Variants in PER3 observed in about 807,000 individuals in gnomAD.
PER3 encodes period circadian protein homolog 3.
Under a neutral mutation model 127.2 loss-of-function variants are expected in PER3, and 107 were observed. The ratio of observed to expected loss-of-function variants is 0.84; its 90% CI spans 0.72 to 0.99. PER3 has a LOEUF of 0.99. Ranked by LOEUF, PER3 falls within the 50% of genes least tolerant of loss-of-function variation. The probability of loss-of-function intolerance (pLI) is 0.00; values close to 1 mark genes in which losing one functional copy is unlikely to be tolerated. For missense variants in PER3, 1,560 were observed against 1,525.8 expected, an observed-to-expected ratio of 1.02 and a Z score of -0.37; for synonymous variants, 618 against 585.8, an observed-to-expected ratio of 1.05 and a Z score of -0.79.
At chr1:7,841,141 T>TA (rs1048866841) in intron 21 of PER3, among the ~76,000 whole-genome samples, 2 of 151,954 alleles carry the variant, frequency 1.3e-5, no homozygotes, top group African/African-American at 2.4e-5. Flanking sequence ...AATAAATCAC[T>TA]AAAAAAAACT....
At chr1:7,791,485 G>T (rs78971542) in intron 5 of PER3, among the ~76,000 whole-genome samples, 1 of 152,212 alleles carries the variant, frequency 6.6e-6, no homozygotes, top group Non-Finnish European at 1.5e-5. Flanking sequence ...TTTTTCTCTC[G>T]TAGGCCTCAG....
At position 7,803,286 on chromosome 1, in the gene PER3, C is replaced by T. The variant is rs2097178573; in HGVS notation, c.979+133C>T. On this transcript the variant is annotated intron_variant, in intron 9 of 21. Transcript: ENST00000377532. ...TTGAAGCTGCTAAAGCAATTGTTTT[C>T]TATTTAAACATACTAAAACAGGCCA... 31 of 691,276 alleles carry T rather than the reference C, an allele frequency of 4.5e-5. No homozygotes were observed. In the South Asian group the frequency reaches 4.6e-4, roughly 10 times the overall value. The allele number at this position is 691,276 out of a possible 1,614,324, so 42.8% of individuals were successfully genotyped here.
chr1:7,789,598 C>T (rs182856519), intron 5 of PER3, among the ~76,000 whole-genome samples: 4 of 152,190 alleles, frequency 2.6e-5, no homozygotes, highest in Admixed American at 6.5e-5. Context: ...AGCATGCAAA[C>T]GGACCTAATA....
At chr1:7,833,287 G>A (rs1198847101) in intron 19 of PER3, among the ~76,000 whole-genome samples, 1 of 152,148 alleles carries the variant, frequency 6.6e-6, no homozygotes, top group Non-Finnish European at 1.5e-5. Flanking sequence ...ATTAGATCAA[G>A]TTGGTTGATA....
In PER3 at chr1:7,810,719, A is replaced by G. The variant is rs2097215670; in HGVS notation, c.1522+131A>G. On this transcript the variant is annotated intron_variant, in intron 13 of 21. Transcript: ENST00000377532. The stretch of plus-strand genomic sequence containing the variant: ...GCTTTTCATATTTCTTGATTTGCCT[A>G]GATAGCAATAGTAATAGCAATAGTA... 4.1e-6 allele frequency: 3 copies of G among 732,740 alleles called. No homozygotes were observed. In the South Asian group the frequency reaches 7.6e-5, roughly 19 times the overall value. 45.4% of individuals were successfully genotyped at this position (732,740 alleles called of 1,614,324 possible). A position where few individuals can be genotyped will look rare whatever the true frequency, so the allele number is the denominator to read the frequency against.
At chr1:7,791,864 C>T (rs986465467) in intron 5 of PER3, among the ~76,000 whole-genome samples, 5 of 152,198 alleles carry the variant, frequency 3.3e-5, no homozygotes, top group African/African-American at 1.2e-4. Flanking sequence ...CTCTCTGAGA[C>T]CACCTCAGCC....
Position 7,810,501 on chromosome 1 carries a change from A to G in PER3, c.1435A>G (p.Ile479Val). 1 of 1,613,618 alleles carries G rather than the reference A, an allele frequency of 6.2e-7. No individual in the cohort carries two copies. Among genetic ancestry groups the G allele is most frequent in the Non-Finnish European group, 8.5e-7 (1 of 1,179,646 alleles). The change falls in exon 13 of 22, where the codon ATT (isoleucine) becomes GTT (valine). Residue 479 changes from isoleucine to valine, a missense_variant. Around this residue, in one of 3 missense-constraint regions of PER3, gnomAD observed 1,332 missense variants for 1,223.6 expected, o/e 1.09. Coordinates refer to ENST00000377532, the MANE Select transcript of PER3 (RefSeq NM_001377275.1). The stretch of plus-strand genomic sequence containing the variant: ...TAAAAATCTGGGTCAGCAGCTCTAC[A>G]TTGAGTCAATGACCAAATCATCATT... ...KIKNLGQQLY[I>V]ESMTKSSFKP...
chr1:7,788,787 C>T (rs1036209900), intron 5 of PER3, among the ~76,000 whole-genome samples: 13 of 151,964 alleles, frequency 8.6e-5, no homozygotes, highest in Non-Finnish European at 1.5e-4. Flanking sequence ...GCCTGTAATC[C>T]CAGCTACTCA....
In PER3 at chr1:7,798,714, T is replaced by G; in HGVS notation, c.793+41T>G. Reference sequence around the variant, plus strand: ...AGATGCAGAAATGTCAGCAATCAGATAGGAACATGGGAAAGTCTGTTTACG... The same window carrying G: ...AGATGCAGAAATGTCAGCAATCAGAGAGGAACATGGGAAAGTCTGTTTACG... On this transcript the variant is annotated intron_variant, in intron 7 of 21. Coordinates refer to ENST00000377532, the MANE Select transcript of PER3 (RefSeq NM_001377275.1). 3 of 1,542,960 alleles carry G rather than the reference T, an allele frequency of 1.9e-6. No homozygotes were observed. In the East Asian group the frequency reaches 6.7e-5, roughly 35 times the overall value.
chr1:7,790,862 A>G (rs1264225627), intron 5 of PER3, among the ~76,000 whole-genome samples: 1 of 152,226 alleles, frequency 6.6e-6, no homozygotes, highest in African/African-American at 2.4e-5. Context: ...TTAAATATTA[A>G]AGCTCCAAAA....
At chr1:7,789,291 C>T (rs537962108) in intron 5 of PER3, among the ~76,000 whole-genome samples, 23 of 152,164 alleles carry the variant, frequency 1.5e-4, no homozygotes, top group Admixed American at 5.9e-4. Flanking sequence ...AATTGTAACT[C>T]CCACAATTCC....
chr1:7,838,655 C>T (rs1234055582), intron 21 of PER3, among the ~76,000 whole-genome samples: 1 of 152,176 alleles, frequency 6.6e-6, no homozygotes, highest in Non-Finnish European at 1.5e-5. Context: ...CCGCCTCAGC[C>T]TCTCAAAGTG....
chr1:7,808,747 G>C (rs955917476), intron 10 of PER3, 146 bp from the exon 11 acceptor site: 1 of 624,792 alleles, frequency 1.6e-6, no homozygotes, highest in African/African-American at 1.9e-5. Flanking sequence ...GTACCTTCAT[G>C]AATAGAATTC....
intron 13 of PER3, among the ~76,000 whole-genome samples, chr1:7,816,108 T>C (rs1435855806): frequency 2.0e-5 from 3 of 151,090 alleles, no homozygotes; most frequent in Non-Finnish European, 4.4e-5. Flanking sequence ...TGAGTGTTTA[T>C]ATGGAAAAAA....
chr1:7,804,691 T>C (rs1419203925), intron 10 of PER3, among the ~76,000 whole-genome samples: 1 of 151,440 alleles, frequency 6.6e-6, no homozygotes. Flanking sequence ...TACGAGCCAC[T>C]GCGCCCGGAC....
intron 19 of PER3, 138 bp from the exon 20 acceptor site, chr1:7,835,624 G>A (rs1432707889): frequency 1.6e-6 from 1 of 609,176 alleles, no homozygotes; most frequent in Non-Finnish European, 2.9e-6. Context: ...TCCACAGGGA[G>A]GAGGAAGTTT....
At position 7,785,459 on chromosome 1, in the gene PER3, C is replaced by T; in HGVS notation, c.147C>T (p.Asn49=). 6.2e-7 allele frequency: 1 copy of T among 1,612,606 alleles called. No homozygotes were observed. Among genetic ancestry groups the T allele is most frequent in the Non-Finnish European group, 8.5e-7 (1 of 1,178,720 alleles). Reference sequence around the variant, plus strand: ...CTTCCAGTGAACAGCAAGATCGAAACAGAGTTTCTGAAGAACTTATCATGG... The same window carrying T: ...CTTCCAGTGAACAGCAAGATCGAAATAGAGTTTCTGAAGAACTTATCATGG... ...DSSHSEQQDR[N]RVSEELIMVV... Residue 49 remains asparagine (N), a synonymous_variant, in exon 3 of 22, where the codon AAC becomes AAT. Coordinates refer to ENST00000377532, the MANE Select transcript of PER3 (RefSeq NM_001377275.1).
chr1:7,806,442 A>T (rs2097193005), intron 10 of PER3, among the ~76,000 whole-genome samples: 1 of 152,152 alleles, frequency 6.6e-6, no homozygotes, highest in African/African-American at 2.4e-5. Flanking sequence ...TTGCTGTTTC[A>T]TGAAGGCTGT....
chr1:7,827,056 G>A, intron 17 of PER3, 62 bp from the exon 18 acceptor site: 1 of 1,266,524 alleles, frequency 7.9e-7, no homozygotes, highest in Non-Finnish European at 1.1e-6. Context: ...CCTGTAAGTG[G>A]CATCCTTCTC....
Sources: allele counts gnomAD v4.1 joint callset (sites outside exome capture counted in the v4.1 genomes callset), GRCh38; gene constraint gnomAD v4.1.1; regional missense constraint gnomAD v4.1.1; transcripts MANE v1.5; gene names NCBI Gene and HGNC (gene_info 2026-07-23, HGNC 2026-07-21).